SAMM50: variants seen among roughly 807,000 people sequenced by gnomAD.
SAMM50 encodes SAMM50 sorting and assembly machinery component.
In SAMM50, 47 loss-of-function variants were observed where a neutral mutation model predicts 66.9. The observed-to-expected ratio is 0.70, with a 90% confidence interval of 0.56 to 0.90. The LOEUF (loss-of-function observed/expected upper bound fraction) is 0.90. Among genes scored for constraint, SAMM50 ranks in the 40% least tolerant of loss-of-function variants. The pLI is 0.00. For missense variants in SAMM50, 535 were observed against 595.3 expected (o/e 0.90, Z 1.05); for synonymous variants, 191 against 214.1 (o/e 0.89, Z 0.94).
intron 1 of SAMM50, among the ~76,000 whole-genome samples, chr22:43,956,837 A>G (rs994632289): frequency 6.6e-6 from 1 of 152,208 alleles, no homozygotes; most frequent in Non-Finnish European, 1.5e-5. Flanking sequence ...TCTGAAAAAC[A>G]TCTAAAGCAA....
At chr22:43,971,295 G>A (rs912542251) in intron 4 of SAMM50, among the ~76,000 whole-genome samples, 2 of 152,234 alleles carry the variant, frequency 1.3e-5, no homozygotes, top group Non-Finnish European at 2.9e-5. Context: ...AGCCAGGGCT[G>A]AGCACCCCTG....
chr22:43,971,717 GT>G (rs1047086244), intron 4 of SAMM50, among the ~76,000 whole-genome samples: 7 of 147,478 alleles, frequency 4.7e-5, no homozygotes, highest in Admixed American at 6.8e-5. Flanking sequence ...TTGGTTTTTG[GT>G]TTTTTTTTTA....
Position 43,996,503 on chromosome 22 carries a change from C to A in SAMM50, c.*120C>A. 1.0e-6 allele frequency: 1 copy of A among 962,284 alleles called. No homozygotes were observed. The highest frequency in any genetic ancestry group is 1.7e-6 in the Non-Finnish European group (1 of 592,138). 59.6% of individuals were successfully genotyped at this position (962,284 alleles called of 1,614,324 possible). On this transcript the variant is annotated 3_prime_UTR_variant, in exon 15 of 15. Transcript: ENST00000350028. ...TTGACTGCGGACCCTGTGGGAAACCCCGTCAATAAATGTTAAAGACACACT... is the reference window on the plus strand; with the variant it reads ...TTGACTGCGGACCCTGTGGGAAACCACGTCAATAAATGTTAAAGACACACT...
At chr22:43,993,812 T>C (rs903291383) in intron 14 of SAMM50, among the ~76,000 whole-genome samples, 5 of 152,254 alleles carry the variant, frequency 3.3e-5, no homozygotes, top group Non-Finnish European at 7.3e-5. Flanking sequence ...GTAGAAATTA[T>C]CCACAGGTTT....
intron 14 of SAMM50, 172 bp from the exon 15 acceptor site, chr22:43,996,166 A>G (rs2050352888): frequency 2.7e-6 from 2 of 736,018 alleles, no homozygotes; most frequent in Non-Finnish European, 4.9e-6. Flanking sequence ...CTTAACCAGC[A>G]AAGGAGGAAG....
At chr22:43,959,028 T>C (rs919659038) in intron 1 of SAMM50, among the ~76,000 whole-genome samples, 22 of 149,460 alleles carry the variant, frequency 1.5e-4, no homozygotes, top group Middle Eastern at 6.9e-3. Flanking sequence ...CTTTTTTTTT[T>C]TTTTTTTTGA....
In SAMM50 at chr22:43,976,182, C is replaced by T. The variant is rs769314961; in HGVS notation, c.776C>T (p.Ser259Leu). 16 of 1,602,978 alleles carry T rather than the reference C, an allele frequency of 1.0e-5. No homozygotes were observed. In the East Asian group the frequency reaches 1.1e-4, roughly 11 times the overall value. Residue 259 changes from serine (S) to leucine (L), a missense_variant and splice_region_variant, in exon 8 of 15, where the codon TCG (serine) becomes TTG (leucine). Ser to Leu is a moderately radical substitution (Grantham distance 145, BLOSUM62 -2). Coordinates refer to ENST00000350028, the MANE Select transcript of SAMM50 (RefSeq NM_015380.5). ...ESGHSLKSSL[S>L]HAMVIDSRNS... ...GGACATTCACTGAAATCATCTCTTT[C>T]GGTAACGGTTTCTCTTAGTTGGAGT...
intron 3 of SAMM50, among the ~76,000 whole-genome samples, chr22:43,965,980 A>G (rs764717106): frequency 1.3e-5 from 2 of 152,156 alleles, no homozygotes; most frequent in Non-Finnish European, 2.9e-5. Flanking sequence ...CCAGGACTGC[A>G]GGCACACATC....
intron 12 of SAMM50, 129 bp downstream of exon 12, chr22:43,984,129 A>G (rs9626079): frequency 0.18 from 129,377 of 706,002 alleles, 14,486 homozygotes; most frequent in East Asian, 0.4. Context: ...AGCACCTAAC[A>G]CAGAACTTAC....
At chr22:43,991,578 A>C (rs778924908) in intron 14 of SAMM50, among the ~76,000 whole-genome samples, 7 of 152,128 alleles carry the variant, frequency 4.6e-5, no homozygotes, top group Non-Finnish European at 1.0e-4. Flanking sequence ...GCGTTGTGTA[A>C]ATTTTAAGAG....
At chr22:43,984,043 G>C in intron 12 of SAMM50, 43 bp downstream of exon 12, 1 of 1,550,230 alleles carries the variant, frequency 6.5e-7, no homozygotes, top group Non-Finnish European at 8.8e-7. Context: ...GAAGGCTCGC[G>C]TCTCACTTTG....
At chr22:43,959,682 A>G (rs1025474000) in intron 1 of SAMM50, among the ~76,000 whole-genome samples, 2 of 151,888 alleles carry the variant, frequency 1.3e-5, no homozygotes, top group Non-Finnish European at 2.9e-5. Context: ...CCAAATATAT[A>G]TTTTAGCGCA....
chr22:43,989,597 C>T (rs775054282), intron 13 of SAMM50, among the ~76,000 whole-genome samples: 4 of 152,100 alleles, frequency 2.6e-5, no homozygotes, highest in Non-Finnish European at 5.9e-5. Flanking sequence ...CTTGGATTCC[C>T]AAAGTGCTGG....
At chr22:43,964,594 CT>C in intron 3 of SAMM50, 41 bp downstream of exon 3, 1 of 1,093,088 alleles carries the variant, frequency 9.1e-7, no homozygotes, top group South Asian at 1.3e-5. Flanking sequence ...CCAGTCTCTT[CT>C]GAAGAACTCG....
At chr22:43,959,011 C>G (rs1421356946) in intron 1 of SAMM50, among the ~76,000 whole-genome samples, 1 of 139,958 alleles carries the variant, frequency 7.1e-6, no homozygotes, top group African/African-American at 2.7e-5. Context: ...GTTATATTTT[C>G]AGTTTTCTTT....
At chr22:43,955,683 C>A in intron 1 of SAMM50, 85 bp downstream of exon 1, 1 of 1,422,900 alleles carries the variant, frequency 7.0e-7, no homozygotes, top group Non-Finnish European at 9.6e-7. Flanking sequence ...CTCGTGGCTG[C>A]GCCCAGGGTT....
chr22:43,970,553 C>T (rs2050198097), intron 4 of SAMM50, among the ~76,000 whole-genome samples: 1 of 152,188 alleles, frequency 6.6e-6, no homozygotes, highest in Non-Finnish European at 1.5e-5. Flanking sequence ...CACTTGGCCA[C>T]ACCTAGGTGC....
At position 43,985,962 on chromosome 22, in the gene SAMM50, A is replaced by G. The variant is rs2050290319; in HGVS notation, c.1075+1962A>G. On this transcript the variant is annotated intron_variant, in intron 12 of 14. Coordinates refer to ENST00000350028, the MANE Select transcript of SAMM50 (RefSeq NM_015380.5). ...GTGTTTTTTTTTTTCTTTTATGATT[A>G]TAAAACAATGTATTCACCTTCGAAC... 2.0e-5 allele frequency among the ~76,000 whole-genome samples: 3 copies of G among 151,008 alleles called. No individual in the cohort carries two copies. The South Asian group carries it at 6.2e-4, about 31-fold the overall frequency.
rs34361615 is a variant in SAMM50, at chr22:43,972,848, A to ATT, written c.430-12_430-11dup. On this transcript the variant is annotated intron_variant, in intron 5 of 14. Coordinates refer to ENST00000350028, the MANE Select transcript of SAMM50 (RefSeq NM_015380.5). The stretch of plus-strand genomic sequence containing the variant: ...CATTCCTTCAATGTAGACCACTGCT[A>ATT]TTTTTTTTTTTTCCCCTCCTAGGTA... 12,260 of 1,348,870 alleles carry ATT rather than the reference A, an allele frequency of 9.1e-3. 1 individual carries two copies. Among genetic ancestry groups the ATT allele is most frequent in the South Asian group, 0.017 (1,249 of 74,036 alleles). The allele number at this position is 1,348,870 out of a possible 1,614,324, so 83.6% of individuals were successfully genotyped here.
Sources: allele counts gnomAD v4.1 joint callset (sites outside exome capture counted in the v4.1 genomes callset), GRCh38; gene constraint gnomAD v4.1.1; transcripts MANE v1.5; gene names NCBI Gene and HGNC (gene_info 2026-07-23, HGNC 2026-07-21).